The following ZFHX3 variants were observed in gnomAD, a reference collection of about 807,000 sequenced individuals.
ZFHX3 encodes zinc finger homeobox protein 3.
In ZFHX3, 42 loss-of-function variants were observed where a neutral mutation model predicts 279.1. The observed-to-expected ratio is 0.15, with a 90% confidence interval of 0.12 to 0.19. ZFHX3 has a LOEUF of 0.19. Among genes scored for constraint, ZFHX3 ranks in the 10% least tolerant of loss-of-function variants. The pLI, the probability that ZFHX3 is intolerant of heterozygous loss-of-function variation, is 1.00. For synonymous variants in ZFHX3, 2,293 were observed against 1,957.8 expected (o/e 1.17, Z -4.52); for missense variants, 4,981 against 4,754.0 (o/e 1.05, Z -1.40).
chr16:73,524,561 C>T (rs1214080785), intron 2 of ZFHX3, among the ~76,000 whole-genome samples: 1 of 152,198 alleles, frequency 6.6e-6, no homozygotes, highest in Non-Finnish European at 1.5e-5. Flanking sequence ...GTTCTTGATT[C>T]TCACGTTCTG....
chr16:73,309,894 G>A (rs1254367665), intron 4 of ZFHX3, among the ~76,000 whole-genome samples: 2 of 114,748 alleles, frequency 1.7e-5, no homozygotes, highest in African/African-American at 3.3e-5. Context: ...TTTGGGACTC[G>A]TTTTTTCTTG....
At chr16:73,725,426 A>G (rs1222217190) in intron 1 of ZFHX3, among the ~76,000 whole-genome samples, 1 of 152,122 alleles carries the variant, frequency 6.6e-6, no homozygotes, top group Non-Finnish European at 1.5e-5. Context: ...CCAGGAGATG[A>G]TAAGCTTGGA....
chr16:73,869,695 T>C (rs1462047550), intron 1 of ZFHX3, among the ~76,000 whole-genome samples: 4 of 152,262 alleles, frequency 2.6e-5, no homozygotes, highest in Non-Finnish European at 5.9e-5. Flanking sequence ...AGTTCTGGTA[T>C]GTGACCTACT....
intron 2 of ZFHX3, among the ~76,000 whole-genome samples, chr16:73,529,752 C>T (rs992494506): frequency 2.0e-5 from 3 of 152,206 alleles, no homozygotes; most frequent in Non-Finnish European, 4.4e-5. Flanking sequence ...CCTCCAAATT[C>T]CTGATTCAGA....
intron 1 of ZFHX3, among the ~76,000 whole-genome samples, chr16:73,789,142 T>C (rs1959749333): frequency 6.6e-6 from 1 of 151,692 alleles, no homozygotes; most frequent in African/African-American, 2.4e-5. Context: ...TAGATATCTA[T>C]CATATAGGTA....
chr16:73,582,084 G>C (rs1038561745), intron 2 of ZFHX3, among the ~76,000 whole-genome samples: 1 of 151,810 alleles, frequency 6.6e-6, no homozygotes, highest in Non-Finnish European at 1.5e-5. Flanking sequence ...AAGCATGGTA[G>C]CATAATTATA....
chr16:73,619,538 T>C, intron 2 of ZFHX3, among the ~76,000 whole-genome samples: 1 of 148,860 alleles, frequency 6.7e-6, no homozygotes, highest in African/African-American at 2.6e-5. Context: ...GCTATCAGCA[T>C]TTCTTTCAAT....
At chr16:72,919,441 G>A (rs1424763422) in intron 3 of ZFHX3, among the ~76,000 whole-genome samples, 1 of 152,122 alleles carries the variant, frequency 6.6e-6, no homozygotes, top group Non-Finnish European at 1.5e-5. Context: ...GACTACAGGT[G>A]TGAGCCAGTG....
intron 3 of ZFHX3, among the ~76,000 whole-genome samples, chr16:73,385,516 G>C (rs1463240748): frequency 6.6e-6 from 1 of 152,160 alleles, no homozygotes; most frequent in Non-Finnish European, 1.5e-5. Context: ...TGTCAAAACA[G>C]TCCCGCAGTT....
intron 8 of ZFHX3, among the ~76,000 whole-genome samples, chr16:73,073,519 G>T (rs564912187): frequency 6.6e-6 from 1 of 152,166 alleles, no homozygotes; most frequent in South Asian, 2.1e-4. Flanking sequence ...TGTTTTTTGA[G>T]ACAGAGTATC....
At chr16:73,003,016 T>C (rs1963555984) in intron 1 of ZFHX3, among the ~76,000 whole-genome samples, 1 of 152,214 alleles carries the variant, frequency 6.6e-6, no homozygotes, top group African/African-American at 2.4e-5. Flanking sequence ...TGAAGTCCTA[T>C]AGTCCACAGA....
At chr16:73,484,060 G>C (rs1353754104) in intron 2 of ZFHX3, among the ~76,000 whole-genome samples, 1 of 151,850 alleles carries the variant, frequency 6.6e-6, no homozygotes, top group Non-Finnish European at 1.5e-5. Flanking sequence ...AAGTTTGCAG[G>C]AGGGTCCGGG....
chr16:72,914,848 G>C (rs1597373649), intron 3 of ZFHX3, among the ~76,000 whole-genome samples: 1 of 152,062 alleles, frequency 6.6e-6, no homozygotes, highest in African/African-American at 2.4e-5. Context: ...AAAATTAGTT[G>C]GGTGTGATGG....
chr16:72,922,557 G>A (rs2039610017), intron 3 of ZFHX3, among the ~76,000 whole-genome samples: 1 of 152,108 alleles, frequency 6.6e-6, no homozygotes, highest in African/African-American at 2.4e-5. Context: ...CCACCTGCTT[G>A]TCACCCTCAA....
intron 2 of ZFHX3, 40 bp from the exon 3 acceptor site, chr16:72,951,005 T>A (rs779555020): frequency 5.7e-6 from 9 of 1,586,854 alleles, no homozygotes; most frequent in Non-Finnish European, 2.6e-6. Flanking sequence ...GACACCAGGC[T>A]CATGGTCACG....
chr16:72,873,538 G>T (rs1307653635), intron 4 of ZFHX3, among the ~76,000 whole-genome samples: 1 of 152,158 alleles, frequency 6.6e-6, no homozygotes, highest in African/African-American at 2.4e-5. Context: ...CGTGTTTATA[G>T]ATTTTCCCTT....
At chr16:73,656,690 T>C (rs1007751029) in intron 2 of ZFHX3, among the ~76,000 whole-genome samples, 5 of 152,218 alleles carry the variant, frequency 3.3e-5, no homozygotes, top group Non-Finnish European at 5.9e-5. Flanking sequence ...TCCACCATTA[T>C]CTAGCTTATA....
intron 5 of ZFHX3, among the ~76,000 whole-genome samples, chr16:73,187,897 C>T (rs1052753827): frequency 1.3e-5 from 2 of 152,146 alleles, no homozygotes; most frequent in Non-Finnish European, 2.9e-5. Flanking sequence ...CTCGCTCTGT[C>T]GCCCAGGCTG....
At chr16:73,727,893 C>G (rs999022710) in intron 1 of ZFHX3, among the ~76,000 whole-genome samples, 8 of 152,034 alleles carry the variant, frequency 5.3e-5, no homozygotes, top group Non-Finnish European at 1.5e-5. Flanking sequence ...GAGAGAAAAG[C>G]TAACGGGTAA....
Sources: allele counts gnomAD v4.1 joint callset (sites outside exome capture counted in the v4.1 genomes callset), GRCh38; gene constraint gnomAD v4.1.1; transcripts MANE v1.5; gene names NCBI Gene and HGNC (gene_info 2026-07-23, HGNC 2026-07-21).